Variants in LHFPL2 observed in about 807,000 individuals in gnomAD.
The protein encoded by LHFPL2 is LHFPL tetraspan subfamily member 2 protein.
LHFPL2 carries 7 observed loss-of-function variants against 17.5 expected under a neutral mutation model. The ratio of observed to expected loss-of-function variants is 0.40; its 90% CI spans 0.23 to 0.75. LHFPL2 has a LOEUF of 0.75. LHFPL2 is among the 30% of genes least tolerant of loss of function. The probability of loss-of-function intolerance (pLI) is 0.37; values close to 1 mark genes in which losing one functional copy is unlikely to be tolerated. For synonymous variants in LHFPL2, 134 were observed against 116.2 expected, an observed-to-expected ratio of 1.15 and a Z score of -0.99; for missense variants, 241 against 294.8, an observed-to-expected ratio of 0.82 and a Z score of 1.34.
At chr5:78,646,288 A>G (rs1209579047) in intron 1 of LHFPL2, among the ~76,000 whole-genome samples, 1 of 152,092 alleles carries the variant, frequency 6.6e-6, no homozygotes, top group South Asian at 2.1e-4. Context: ...ATGGGTCCAG[A>G]CTCAACTCAG....
intron 3 of LHFPL2, among the ~76,000 whole-genome samples, chr5:78,515,692 C>T (rs2112333065): frequency 6.6e-6 from 1 of 152,356 alleles, no homozygotes; most frequent in Non-Finnish European, 1.5e-5. Context: ...CATTCCTGGT[C>T]CCCAACCAAC....
intron 4 of LHFPL2, among the ~76,000 whole-genome samples, chr5:78,493,381 C>T (rs1288336499): frequency 6.6e-6 from 1 of 152,212 alleles, no homozygotes; most frequent in African/African-American, 2.4e-5. Context: ...CTAGCAGTCA[C>T]AAGAAACTGT....
intron 3 of LHFPL2, among the ~76,000 whole-genome samples, chr5:78,537,236 C>A (rs1214444418): frequency 6.6e-6 from 1 of 152,184 alleles, no homozygotes; most frequent in Non-Finnish European, 1.5e-5. Context: ...AGGGGCCCAG[C>A]TGCCATAGCA....
chr5:78,505,121 G>A (rs570360809), intron 4 of LHFPL2, among the ~76,000 whole-genome samples: 3 of 152,180 alleles, frequency 2.0e-5, no homozygotes, highest in Admixed American at 6.5e-5. Flanking sequence ...AGCCCTACAC[G>A]CATTTCCAAA....
intron 4 of LHFPL2, among the ~76,000 whole-genome samples, chr5:78,508,813 G>C (rs1755014257): frequency 6.6e-6 from 1 of 152,180 alleles, no homozygotes; most frequent in Non-Finnish European, 1.5e-5. Context: ...TTAGAGTCTA[G>C]ATTAATGTCT....
chr5:78,596,974 T>C (rs972706287), intron 2 of LHFPL2, among the ~76,000 whole-genome samples: 2 of 152,236 alleles, frequency 1.3e-5, no homozygotes, highest in African/African-American at 4.8e-5. Flanking sequence ...GAAATTCAAT[T>C]ACTATTGACT....
intron 2 of LHFPL2, among the ~76,000 whole-genome samples, chr5:78,623,969 C>T (rs1334907880): frequency 2.6e-5 from 4 of 152,214 alleles, no homozygotes; most frequent in Non-Finnish European, 5.9e-5. Flanking sequence ...AAATCACTTC[C>T]TAAAGGCCTG....
chr5:78,601,007 G>A (rs1238732618), intron 2 of LHFPL2, among the ~76,000 whole-genome samples: 1 of 152,166 alleles, frequency 6.6e-6, no homozygotes, highest in Non-Finnish European at 1.5e-5. Flanking sequence ...ATTTAAATCT[G>A]CCCAACACTT....
intron 2 of LHFPL2, among the ~76,000 whole-genome samples, chr5:78,590,742 T>C (rs1723059786): frequency 6.6e-6 from 1 of 152,250 alleles, no homozygotes; most frequent in African/African-American, 2.4e-5. Context: ...AATAGTTGTA[T>C]CATCCATGCT....
chr5:78,644,160 A>G lies in LHFPL2; in HGVS notation c.-350+4339T>C, dbSNP rs1054565230. On this transcript the variant is annotated intron_variant, in intron 1 of 4. Transcript: ENST00000380345. ...AAAAAAGACAATGTACAATTTCAAA[A>G]CAATTGTTACATAGTCTTCCATTTC... The G allele has an allele frequency of 1.3e-5, 7 of 540,808 alleles. No individual in the cohort carries two copies. In the African/African-American group the frequency reaches 1.4e-4, roughly 10 times the overall value. The allele number at this position is 540,808 out of a possible 1,614,324, so 33.5% of individuals were successfully genotyped here.
chr5:78,511,594 A>G (rs1755127546), intron 3 of LHFPL2, among the ~76,000 whole-genome samples: 1 of 152,312 alleles, frequency 6.6e-6, no homozygotes, highest in South Asian at 2.1e-4. Context: ...GCCCCCTGGC[A>G]TGTTGGGAGT....
chr5:78,624,647 T>C lies in LHFPL2; in HGVS notation c.-245+7617A>G, dbSNP rs534013100. 2.2e-4 allele frequency among the ~76,000 whole-genome samples: 33 copies of C among 152,318 alleles called. 1 individual carries two copies. Among genetic ancestry groups the C allele is most frequent in the African/African-American group, 7.9e-4 (33 of 41,578 alleles). ...AACTTTTAATCTTGAATTAACCTCCTATAACTATTCTAAATTTTAAAACTC... is the reference window on the plus strand; with the variant it reads ...AACTTTTAATCTTGAATTAACCTCCCATAACTATTCTAAATTTTAAAACTC... On this transcript the variant is annotated intron_variant, in intron 2 of 4. Transcript: ENST00000380345.
chr5:78,612,492 A>G (rs576550392), intron 2 of LHFPL2, among the ~76,000 whole-genome samples: 4 of 152,350 alleles, frequency 2.6e-5, no homozygotes, highest in African/African-American at 9.6e-5. Context: ...CCCCATAAAG[A>G]GAGGAGAGTT....
chr5:78,635,900 GA>G (rs1270628246), intron 1 of LHFPL2, among the ~76,000 whole-genome samples: 1 of 152,136 alleles, frequency 6.6e-6, no homozygotes, highest in African/African-American at 2.4e-5. Context: ...TTCATATATA[GA>G]TCACCTGGCT....
intron 3 of LHFPL2, among the ~76,000 whole-genome samples, chr5:78,532,434 C>A (rs1163222790): frequency 6.6e-6 from 1 of 152,068 alleles, no homozygotes; most frequent in East Asian, 1.9e-4. Context: ...CATCCTACAG[C>A]CATGGGGGAC....
intron 2 of LHFPL2, among the ~76,000 whole-genome samples, chr5:78,618,140 G>T (rs1043200694): frequency 2.0e-5 from 3 of 152,094 alleles, no homozygotes; most frequent in African/African-American, 7.2e-5. Flanking sequence ...GGCAGAGGTT[G>T]CAGTGAGCCA....
intron 2 of LHFPL2, among the ~76,000 whole-genome samples, chr5:78,602,599 C>T (rs1202637266): frequency 6.6e-6 from 1 of 152,178 alleles, no homozygotes; most frequent in Non-Finnish European, 1.5e-5. Context: ...CCTTCACCAT[C>T]AACATCAATT....
intron 3 of LHFPL2, among the ~76,000 whole-genome samples, chr5:78,512,877 CCAGAG>C: frequency 6.6e-6 from 1 of 151,704 alleles, no homozygotes; most frequent in South Asian, 2.1e-4. Flanking sequence ...GCCTCAGCAT[CCAGAG>C]CAGCTGGGAT....
chr5:78,541,870 C>T (rs1756124177), intron 3 of LHFPL2, among the ~76,000 whole-genome samples: 1 of 152,180 alleles, frequency 6.6e-6, no homozygotes, highest in Admixed American at 6.5e-5. Flanking sequence ...AGCTTGTGCC[C>T]ACCTAGCCTG....
Sources: gnomAD v4.1 joint callset for allele counts (sites outside exome capture counted in the v4.1 genomes callset) on GRCh38, gnomAD v4.1.1 for gene constraint, MANE v1.5 for transcripts, NCBI Gene and HGNC (gene_info 2026-07-23, HGNC 2026-07-21) for gene names.